The following DOCK4 variants were observed in gnomAD, a reference collection of about 807,000 sequenced individuals.
DOCK4 encodes the protein dedicator of cytokinesis protein 4.
Under a neutral mutation model 268.1 loss-of-function variants are expected in DOCK4, and 97 were observed. The observed-to-expected ratio is 0.36, with a 90% confidence interval of 0.31 to 0.43. The LOEUF is 0.43. Ranked by LOEUF, DOCK4 falls within the 20% of genes least tolerant of loss-of-function variation. The pLI, the probability that DOCK4 is intolerant of heterozygous loss-of-function variation, is 1.00. For missense variants in DOCK4, 2,145 were observed against 2,455.7 expected, an observed-to-expected ratio of 0.87 and a Z score of 2.67; for synonymous variants, 954 against 887.2, an observed-to-expected ratio of 1.08 and a Z score of -1.34.
intron 49 of DOCK4, among the ~76,000 whole-genome samples, chr7:111,738,434 G>A (rs1795661037): frequency 1.3e-5 from 2 of 152,236 alleles, no homozygotes; most frequent in African/African-American, 4.8e-5. Flanking sequence ...TGCTGGGCAG[G>A]AGAATGCTTC....
At chr7:112,187,361 T>C (rs1001021924) in intron 1 of DOCK4, among the ~76,000 whole-genome samples, 4 of 152,212 alleles carry the variant, frequency 2.6e-5, no homozygotes, top group Admixed American at 6.5e-5. Flanking sequence ...CCATCAATTG[T>C]CTACATGCGA....
intron 1 of DOCK4, among the ~76,000 whole-genome samples, chr7:112,075,382 G>GCCACA (rs1490155470): frequency 1.4e-4 from 21 of 152,292 alleles, no homozygotes; most frequent in South Asian, 6.2e-4. Flanking sequence ...GCAATTCCCT[G>GCCACA]CTTTGGATGG....
chr7:111,814,769 C>T (rs1586068025), intron 27 of DOCK4, among the ~76,000 whole-genome samples: 2 of 152,130 alleles, frequency 1.3e-5, no homozygotes, highest in Admixed American at 6.5e-5. Context: ...AACACCTCAC[C>T]CTCTTATCAG....
chr7:111,740,202 C>T (rs550103634), intron 47 of DOCK4: 5 of 348,178 alleles, frequency 1.4e-5, no homozygotes, highest in African/African-American at 2.2e-5. Flanking sequence ...CAGGTTCAAG[C>T]GATTCTCCTG....
At chr7:111,969,042 A>C (rs1797471844) in intron 8 of DOCK4, among the ~76,000 whole-genome samples, 2 of 96,938 alleles carry the variant, frequency 2.1e-5, no homozygotes, top group South Asian at 8.4e-4. Flanking sequence ...GGGGAATATC[A>C]CACTCTGGGG....
At chr7:111,958,197 C>T (rs1238998032) in intron 8 of DOCK4, among the ~76,000 whole-genome samples, 1 of 152,158 alleles carries the variant, frequency 6.6e-6, no homozygotes, top group Non-Finnish European at 1.5e-5. Context: ...CTGCATCAAT[C>T]CCAACCCTGT....
intron 1 of DOCK4, among the ~76,000 whole-genome samples, chr7:112,135,627 C>T (rs1814261672): frequency 6.6e-6 from 1 of 152,036 alleles, no homozygotes; most frequent in Non-Finnish European, 1.5e-5. Flanking sequence ...GATTAAGCTG[C>T]CTGTAGACTG....
chr7:111,839,070 T>C (rs1803465081), intron 25 of DOCK4, among the ~76,000 whole-genome samples: 1 of 152,200 alleles, frequency 6.6e-6, no homozygotes, highest in Non-Finnish European at 1.5e-5. Flanking sequence ...TTCCACAGCT[T>C]GAGAATTGTG....
At chr7:111,823,531 A>G (rs978089781) in intron 26 of DOCK4, among the ~76,000 whole-genome samples, 2 of 152,098 alleles carry the variant, frequency 1.3e-5, no homozygotes, top group African/African-American at 2.4e-5. Context: ...CTTCAACATT[A>G]CAAGAGATAG....
At chr7:112,190,517 A>G (rs1012798688) in intron 1 of DOCK4, among the ~76,000 whole-genome samples, 2 of 152,172 alleles carry the variant, frequency 1.3e-5, no homozygotes, top group Non-Finnish European at 2.9e-5. Flanking sequence ...GTCCTCAAGT[A>G]GCCTGGCATC....
At chr7:111,974,437 G>A (rs1797978339) in intron 8 of DOCK4, among the ~76,000 whole-genome samples, 1 of 151,522 alleles carries the variant, frequency 6.6e-6, no homozygotes, top group Non-Finnish European at 1.5e-5. Context: ...AGTGGGAAGG[G>A]ACTGACTTGA....
In DOCK4 at chr7:111,728,112, A is replaced by G; in HGVS notation, c.*162T>C. On this transcript the variant is annotated 3_prime_UTR_variant, in exon 53 of 53. Transcript: ENST00000428084. The stretch of plus-strand genomic sequence containing the variant: ...TAACATCTGGCGTTTTAGATCAGCA[A>G]CTTTTAATATTGTGCAACATGATAT... The G allele has an allele frequency of 3.9e-6, 2 of 512,736 alleles. No individual in the cohort carries two copies. The highest frequency in any genetic ancestry group is 6.1e-6 in the Non-Finnish European group (2 of 328,800). The allele number at this position is 512,736 out of a possible 1,614,324, so 31.8% of individuals were successfully genotyped here. A position where few individuals can be genotyped will look rare whatever the true frequency, so the allele number is the denominator to read the frequency against.
chr7:111,740,589 C>T (rs190487529), intron 47 of DOCK4, among the ~76,000 whole-genome samples: 72 of 150,238 alleles, frequency 4.8e-4, no homozygotes, highest in African/African-American at 1.5e-3. Context: ...AAAAATTAGT[C>T]GGGCGTGGTG....
intron 1 of DOCK4, among the ~76,000 whole-genome samples, chr7:112,176,094 C>T (rs1284195464): frequency 6.6e-6 from 1 of 152,172 alleles, no homozygotes; most frequent in African/African-American, 2.4e-5. Context: ...TCAACCAACA[C>T]CATTATTTCA....
chr7:111,932,448 A>C lies in DOCK4; in HGVS notation c.1066+3092T>G, dbSNP rs560332957. 1.1e-4 allele frequency among the ~76,000 whole-genome samples: 17 copies of C among 152,294 alleles called. No individual in the cohort carries two copies. The East Asian group carries it at 3.3e-3, about 29-fold the overall frequency. ...CATGGTTACCAACTCTTCTATTCAC[A>C]GTTAATAGGCAGAAAGAAAGGAGCA... On this transcript the variant is annotated intron_variant, in intron 12 of 52. Transcript: ENST00000428084.
rs146259229 is a variant in DOCK4, at chr7:112,028,380, T to A, written c.38-24249A>T. Among the ~76,000 whole-genome samples the A allele has an allele frequency of 1.3e-3, 202 of 152,312 alleles. 2 individuals are homozygous for A. Among genetic ancestry groups the A allele is most frequent in the African/African-American group, 4.5e-3 (186 of 41,582 alleles). On this transcript the variant is annotated intron_variant, in intron 1 of 52. Coordinates refer to ENST00000428084, the MANE Select transcript of DOCK4 (RefSeq NM_001363540.2). ...TATTCTTATTCCTAAAGGGAAAGTA[T>A]TTTGTTGGCAGAATGGAGATCAGAC...
At chr7:112,142,867 T>C (rs919934678) in intron 1 of DOCK4, among the ~76,000 whole-genome samples, 1 of 152,156 alleles carries the variant, frequency 6.6e-6, no homozygotes, top group Non-Finnish European at 1.5e-5. Flanking sequence ...TTTCCTTTAA[T>C]GCATTTGACA....
intron 32 of DOCK4, among the ~76,000 whole-genome samples, chr7:111,786,280 G>A (rs1445673007): frequency 6.6e-6 from 1 of 152,168 alleles, no homozygotes; most frequent in Non-Finnish European, 1.5e-5. Flanking sequence ...AAGACTGTAG[G>A]TAGACCTACT....
At position 111,834,688 on chromosome 7, in the gene DOCK4, T is replaced by C; in HGVS notation, c.2737-2A>G. 4.1e-6 allele frequency: 6 copies of C among 1,462,910 alleles called. No individual in the cohort carries two copies. The allele number at this position is 1,462,910 out of a possible 1,614,324, so 90.6% of individuals were successfully genotyped here. A position where few individuals can be genotyped will look rare whatever the true frequency, so the allele number is the denominator to read the frequency against. Reference sequence around the variant, plus strand: ...CAGGAGACAAGCAACAAACTCCCCCTAAGTTAAAAAAAAAAAAAGCATACA... The same window carrying C: ...CAGGAGACAAGCAACAAACTCCCCCCAAGTTAAAAAAAAAAAAAGCATACA... On this transcript the variant is annotated splice_acceptor_variant, in intron 25 of 52. Transcript: ENST00000428084. LOFTEE classifies it high-confidence loss of function.
Sources: allele counts gnomAD v4.1 joint callset (sites outside exome capture counted in the v4.1 genomes callset), GRCh38; gene constraint gnomAD v4.1.1; transcripts MANE v1.5; gene names NCBI Gene and HGNC (gene_info 2026-07-23, HGNC 2026-07-21).